OXR1: variants seen among roughly 807,000 people sequenced by gnomAD.
The protein encoded by OXR1 is oxidation resistance 1, also known as oxidation resistance protein 1.
In OXR1, 41 loss-of-function variants were observed where a neutral mutation model predicts 104.6. The observed-to-expected ratio is 0.39, with a 90% confidence interval of 0.31 to 0.51. OXR1 has a LOEUF of 0.51. Ranked by LOEUF, OXR1 falls within the 20% of genes least tolerant of loss-of-function variation. The pLI, the probability that OXR1 is intolerant of heterozygous loss-of-function variation, is 0.77. For missense variants in OXR1, 955 were observed against 1,031.9 expected (o/e 0.93, Z 1.02); for synonymous variants, 348 against 348.4 (o/e 1.00, Z 0.01).
chr8:106,346,741 C>CA (rs34342310), intron 1 of OXR1, among the ~76,000 whole-genome samples: 44,475 of 151,784 alleles, frequency 0.29, 6,834 homozygotes, highest in Admixed American at 0.38. Flanking sequence ...TGTTGAGTTC[C>CA]AAAAAATGGA....
chr8:106,496,465 G>A (rs1244048701), intron 2 of OXR1, among the ~76,000 whole-genome samples: 2 of 152,150 alleles, frequency 1.3e-5, no homozygotes, highest in African/African-American at 2.4e-5. Flanking sequence ...ATCACAGATA[G>A]TATGGACTTA....
chr8:106,582,258 G>A (rs1818302734), intron 3 of OXR1, among the ~76,000 whole-genome samples: 1 of 146,634 alleles, frequency 6.8e-6, no homozygotes, highest in Non-Finnish European at 1.5e-5. Flanking sequence ...TCAAAATCCA[G>A]GGCAGCTCAC....
chr8:106,408,428 C>G (rs1307953583), intron 2 of OXR1, among the ~76,000 whole-genome samples: 1 of 152,108 alleles, frequency 6.6e-6, no homozygotes, highest in African/African-American at 2.4e-5. Context: ...TCCTCCTCCC[C>G]CTGCTTAAGT....
chr8:106,502,390 A>G (rs1811872006), intron 2 of OXR1, among the ~76,000 whole-genome samples: 1 of 152,228 alleles, frequency 6.6e-6, no homozygotes, highest in Middle Eastern at 3.2e-3. Context: ...ACAGGAAAGG[A>G]GCAGACTTGA....
chr8:106,713,500 T>C (rs1831922492), intron 10 of OXR1, among the ~76,000 whole-genome samples: 2 of 151,928 alleles, frequency 1.3e-5, no homozygotes, highest in Admixed American at 6.6e-5. Flanking sequence ...AGGAATGAGG[T>C]CAAAGTTGTG....
chr8:106,509,696 A>T (rs1016582058), intron 2 of OXR1, among the ~76,000 whole-genome samples: 2 of 152,206 alleles, frequency 1.3e-5, no homozygotes, highest in African/African-American at 4.8e-5. Context: ...TGAATAAAAA[A>T]TTGAGGTATT....
rs202066705 is a variant in OXR1, at chr8:106,487,425, TTG to T, written c.24-31516_24-31515del. Among the ~76,000 whole-genome samples, 785 of 148,966 alleles carry T rather than the reference TTG, an allele frequency of 5.3e-3. 2 individuals are homozygous for T. Among genetic ancestry groups the T allele is most frequent in the African/African-American group, 7.2e-3 (290 of 40,094 alleles). On this transcript the variant is annotated intron_variant, in intron 2 of 16. Coordinates refer to ENST00000517566, the MANE Select transcript of OXR1 (RefSeq NM_001198533.2). ...ATATTTATGGGATACATGTGATATT[TTG>T]TTTTTTTTATTATACTTTAAATTTT...
chr8:106,345,215 C>T (rs1298709272), intron 1 of OXR1, among the ~76,000 whole-genome samples: 2 of 152,136 alleles, frequency 1.3e-5, no homozygotes, highest in Non-Finnish European at 2.9e-5. Context: ...CATAAGAACA[C>T]ATAGCAGGTG....
intron 2 of OXR1, among the ~76,000 whole-genome samples, chr8:106,425,248 G>A (rs546225865): frequency 2.6e-5 from 4 of 151,514 alleles, no homozygotes; most frequent in Admixed American, 2.0e-4. Flanking sequence ...TTTTTTTATA[G>A]AGCTGAGGTC....
intron 6 of OXR1, among the ~76,000 whole-genome samples, chr8:106,692,256 T>G (rs1829382196): frequency 6.6e-6 from 1 of 152,020 alleles, no homozygotes; most frequent in African/African-American, 2.4e-5. Flanking sequence ...GCTATTCCAG[T>G]GAATGGGTTC....
intron 1 of OXR1, among the ~76,000 whole-genome samples, chr8:106,273,711 G>A (rs1469981828): frequency 6.6e-6 from 1 of 152,152 alleles, no homozygotes; most frequent in African/African-American, 2.4e-5. Flanking sequence ...GACTTTCTTT[G>A]CAAAATGGTC....
intron 2 of OXR1, among the ~76,000 whole-genome samples, chr8:106,389,406 C>T (rs185939605): frequency 6.6e-6 from 1 of 152,284 alleles, no homozygotes; most frequent in African/African-American, 2.4e-5. Context: ...TGTGTTTTCT[C>T]ATAAGACAAT....
intron 3 of OXR1, among the ~76,000 whole-genome samples, chr8:106,558,236 A>G (rs1816427899): frequency 6.6e-6 from 1 of 152,228 alleles, no homozygotes; most frequent in African/African-American, 2.4e-5. Flanking sequence ...GGGGAGTAAA[A>G]GCACATAGCC....
intron 3 of OXR1, among the ~76,000 whole-genome samples, chr8:106,661,989 C>T (rs1825813812): frequency 6.6e-6 from 1 of 152,118 alleles, no homozygotes; most frequent in Admixed American, 6.5e-5. Flanking sequence ...AGCAGGGGTC[C>T]ACTTTTTCAT....
At chr8:106,638,629 G>A (rs1257351539) in intron 3 of OXR1, among the ~76,000 whole-genome samples, 1 of 152,164 alleles carries the variant, frequency 6.6e-6, no homozygotes, top group Admixed American at 6.5e-5. Context: ...GGCTGGGCGC[G>A]ATGACTCACA....
intron 3 of OXR1, among the ~76,000 whole-genome samples, chr8:106,598,964 T>C (rs1488720964): frequency 1.3e-5 from 2 of 152,224 alleles, no homozygotes; most frequent in Admixed American, 6.5e-5. Flanking sequence ...TTAAAAAGTA[T>C]TACCTTCAGG....
chr8:106,671,966 AAT>A (rs1346531083), intron 3 of OXR1, among the ~76,000 whole-genome samples: 1 of 113,628 alleles, frequency 8.8e-6, no homozygotes, highest in Non-Finnish European at 1.7e-5. Context: ...CTTAAAGTAT[AAT>A]AATAATAATA....
chr8:106,604,743 G>A (rs942969236), intron 3 of OXR1: 5 of 152,160 alleles, frequency 3.3e-5, no homozygotes, highest in African/African-American at 4.8e-5. Flanking sequence ...CCTATCTTTC[G>A]ATAATTGTGA....
intron 7 of OXR1, chr8:106,697,839 A>T: frequency 6.2e-7 from 1 of 1,612,478 alleles, no homozygotes; most frequent in African/African-American, 1.3e-5. Flanking sequence ...ACACCGTGCC[A>T]TCCTTGAGCC....
Sources: gnomAD v4.1 joint callset for allele counts (sites outside exome capture counted in the v4.1 genomes callset) on GRCh38, gnomAD v4.1.1 for gene constraint, MANE v1.5 for transcripts, NCBI Gene and HGNC (gene_info 2026-07-23, HGNC 2026-07-21) for gene names.